The following RARB variants were observed in gnomAD, a reference collection of about 807,000 sequenced individuals.
RARB encodes HBV-activated protein.
RARB carries 17 observed loss-of-function variants against 51.9 expected under a neutral mutation model. The observed-to-expected ratio is 0.33, with a 90% confidence interval of 0.22 to 0.49. The LOEUF (loss-of-function observed/expected upper bound fraction) is 0.49. RARB is among the 20% of genes least tolerant of loss of function. RARB has a pLI of 0.99. For missense variants in RARB, 369 were observed against 550.8 expected, an observed-to-expected ratio of 0.67 and a Z score of 3.30; for synonymous variants, 215 against 195.4, an observed-to-expected ratio of 1.10 and a Z score of -0.84.
intron 5 of RARB, among the ~76,000 whole-genome samples, chr3:25,208,512 A>G (rs1447105346): frequency 6.6e-6 from 1 of 152,130 alleles, no homozygotes; most frequent in East Asian, 1.9e-4. Context: ...TCTTAGGAGA[A>G]TAGCCCCAAA....
intron 2 of RARB, among the ~76,000 whole-genome samples, chr3:24,903,961 C>T (rs1575063653): frequency 2.0e-5 from 3 of 152,128 alleles, no homozygotes; most frequent in African/African-American, 7.2e-5. Context: ...AGGAATGTTA[C>T]CACCAGGTCA....
intron 2 of RARB, among the ~76,000 whole-genome samples, chr3:24,970,908 A>G (rs1310420634): frequency 2.6e-5 from 4 of 152,010 alleles, no homozygotes; most frequent in African/African-American, 9.7e-5. Flanking sequence ...CTTGATGCTT[A>G]TACTATTTTC....
At chr3:25,164,285 G>A (rs1019549653) in intron 4 of RARB, among the ~76,000 whole-genome samples, 9 of 152,198 alleles carry the variant, frequency 5.9e-5, no homozygotes, top group Non-Finnish European at 1.3e-4. Context: ...ACTGGATATT[G>A]AGCAGCAAGA....
intron 5 of RARB, among the ~76,000 whole-genome samples, chr3:25,177,934 C>T (rs1332975355): frequency 1.3e-5 from 2 of 152,000 alleles, no homozygotes; most frequent in African/African-American, 4.8e-5. Flanking sequence ...AGAAAGGAAA[C>T]TTGTACTTTA....
intron 2 of RARB, among the ~76,000 whole-genome samples, chr3:24,975,769 A>AT (rs71622790): frequency 1.6e-3 from 239 of 149,624 alleles, no homozygotes; most frequent in Middle Eastern, 7.0e-3. Context: ...GTTGGCTGTG[A>AT]TTTTTTTTTT....
chr3:25,237,808 CT>C (rs1262680342), intron 5 of RARB, among the ~76,000 whole-genome samples: 1 of 152,140 alleles, frequency 6.6e-6, no homozygotes, highest in African/African-American at 2.4e-5. Flanking sequence ...ACCGCAATTA[CT>C]TTTGCACCAA....
intron 3 of RARB, among the ~76,000 whole-genome samples, chr3:25,111,494 C>A (rs1699599419): frequency 6.6e-6 from 1 of 151,140 alleles, no homozygotes; most frequent in South Asian, 2.1e-4. Context: ...TGCCCCTTCA[C>A]AAGAGATGGT....
At chr3:25,025,558 TAG>T (rs1697729431) in intron 2 of RARB, among the ~76,000 whole-genome samples, 1 of 152,112 alleles carries the variant, frequency 6.6e-6, no homozygotes, top group African/African-American at 2.4e-5. Flanking sequence ...TAAGTTACAG[TAG>T]TTATGTACAC....
intron 3 of RARB, among the ~76,000 whole-genome samples, chr3:25,539,452 T>G (rs902754914): frequency 3.3e-5 from 5 of 152,026 alleles, no homozygotes; most frequent in South Asian, 2.1e-4. Context: ...TCTCTAACTG[T>G]TTCAGTGGTC....
intron 4 of RARB, among the ~76,000 whole-genome samples, chr3:25,574,958 G>C (rs1003654176): frequency 2.6e-5 from 4 of 152,136 alleles, no homozygotes; most frequent in Non-Finnish European, 5.9e-5. Context: ...CCTCACAGCT[G>C]TCTGACTTTG....
At chr3:25,121,192 G>A (rs1048342660) in intron 3 of RARB, among the ~76,000 whole-genome samples, 1 of 152,130 alleles carries the variant, frequency 6.6e-6, no homozygotes, top group South Asian at 2.1e-4. Context: ...TCAAAGGGGA[G>A]GGCAGAGTTC....
intron 5 of RARB, among the ~76,000 whole-genome samples, chr3:25,332,037 C>A (rs1049643787): frequency 1.3e-5 from 2 of 152,178 alleles, no homozygotes; most frequent in African/African-American, 2.4e-5. Context: ...TAATTAATAG[C>A]TTACCAACCA....
At chr3:25,124,367 G>T (rs1466734300) in intron 3 of RARB, among the ~76,000 whole-genome samples, 1 of 152,158 alleles carries the variant, frequency 6.6e-6, no homozygotes, top group Non-Finnish European at 1.5e-5. Context: ...GACTGAGACT[G>T]TCTCAAAAAG....
At chr3:24,879,859 T>TC (rs1054746269) in intron 2 of RARB, among the ~76,000 whole-genome samples, 18 of 152,124 alleles carry the variant, frequency 1.2e-4, no homozygotes, top group African/African-American at 4.3e-4. Context: ...GGTTTTTAGT[T>TC]CACAGTTACA....
At chr3:25,231,573 T>A (rs1407608989) in intron 5 of RARB, among the ~76,000 whole-genome samples, 2 of 152,188 alleles carry the variant, frequency 1.3e-5, no homozygotes, top group Non-Finnish European at 2.9e-5. Flanking sequence ...TTCCAGTTGA[T>A]CTATATCTTA....
chr3:25,570,244 G>A (rs370118250), intron 4 of RARB, among the ~76,000 whole-genome samples: 27 of 152,354 alleles, frequency 1.8e-4, no homozygotes, highest in African/African-American at 6.3e-4. Flanking sequence ...ATTCAGTGCT[G>A]CTCTCAGAGA....
intron 2 of RARB, among the ~76,000 whole-genome samples, 194 bp from the exon 3 acceptor site, chr3:25,500,988 G>T (rs1203617588): frequency 6.6e-6 from 1 of 151,984 alleles, no homozygotes; most frequent in Non-Finnish European, 1.5e-5. Context: ...GATTAAAAGG[G>T]GCTTTTGGGT....
chr3:25,460,217 G>A (rs1695106677), intron 1 of RARB, among the ~76,000 whole-genome samples: 1 of 152,104 alleles, frequency 6.6e-6, no homozygotes, highest in South Asian at 2.1e-4. Flanking sequence ...ACAGGCCTGA[G>A]CTGGGACCTG....
intron 2 of RARB, among the ~76,000 whole-genome samples, chr3:25,021,894 G>GT (rs1697646840): frequency 6.6e-6 from 1 of 152,072 alleles, no homozygotes; most frequent in African/African-American, 2.4e-5. Flanking sequence ...GAGGCAGATT[G>GT]TATTTATACA....
Sources: gnomAD v4.1 joint callset for allele counts (sites outside exome capture counted in the v4.1 genomes callset) on GRCh38, gnomAD v4.1.1 for gene constraint, MANE v1.5 for transcripts, NCBI Gene and HGNC (gene_info 2026-07-23, HGNC 2026-07-21) for gene names.